Variants in FAM217B observed in about 807,000 individuals in gnomAD.
FAM217B encodes the protein protein FAM217B.
For synonymous variants in FAM217B, 163 were observed against 173.0 expected, an observed-to-expected ratio of 0.94 and a Z score of 0.45; for missense variants, 463 against 456.9, an observed-to-expected ratio of 1.01 and a Z score of -0.12.
upstream of FAM217B, chr20:59,938,850 G>A: frequency 3.9e-6 from 2 of 506,954 alleles, no homozygotes; most frequent in Non-Finnish European, 3.2e-6. Flanking sequence ...TAGACCAAGT[G>A]ACTCAGACGT....
chr20:59,939,959 C>A, upstream of FAM217B: 1 of 1,260,402 alleles, frequency 7.9e-7, no homozygotes, highest in Non-Finnish European at 1.0e-6. Flanking sequence ...GAAGATGAGG[C>A]AGGGATGAGA....
chr20:59,941,915 G>A (rs899065305), intron 1 of FAM217B, among the ~76,000 whole-genome samples: 1 of 151,730 alleles, frequency 6.6e-6, no homozygotes, highest in Admixed American at 6.6e-5. Context: ...TGAACAGGGA[G>A]AGAGAGAGAG....
intron 3 of FAM217B, 99 bp from the exon 4 acceptor site, chr20:59,943,840 CA>C (rs1181459970): frequency 1.4e-4 from 141 of 1,019,076 alleles, no homozygotes; most frequent in South Asian, 1.6e-4. Flanking sequence ...ATAGCTGAGA[CA>C]AAAAAAAGTA....
upstream of FAM217B, chr20:59,940,128 G>A (rs571619099): frequency 1.4e-4 from 60 of 422,752 alleles, no homozygotes; most frequent in Admixed American, 9.8e-4. Context: ...CGCTTCTTGC[G>A]GTTAAAGAAA....
At position 59,943,964 on chromosome 20, in the gene FAM217B, G is replaced by A; in HGVS notation, c.21G>A (p.Trp7Ter). 1.2e-6 allele frequency: 2 copies of A among 1,604,372 alleles called. No individual in the cohort carries two copies. Among genetic ancestry groups the A allele is most frequent in the Non-Finnish European group, 1.7e-6 (2 of 1,176,558 alleles). The change falls in exon 4 of 4, where the codon TGG (tryptophan) becomes TGA (stop). Residue 7 changes from tryptophan to a stop codon, truncating the protein, a stop_gained. Transcript: ENST00000360816. LOFTEE classifies it low-confidence loss of function (END_TRUNC). ...GCAATATGAATGCTGGCCCATCTTG[G>A]AATAAAGTGCAACATTCAAAGAATT... is the stretch of plus-strand genomic sequence containing the variant. MNAGPS[W>*]NKVQHSKNSS...
chr20:59,938,938 G>C, upstream of FAM217B: 4 of 1,270,992 alleles, frequency 3.1e-6, no homozygotes, highest in Non-Finnish European at 4.1e-6. Flanking sequence ...GGAGGGTGGT[G>C]AAGAACAACC....
Position 59,946,169 on chromosome 20 carries a change from A to T in FAM217B, c.*1074A>T, listed in dbSNP as rs768566695. 6.0e-6 allele frequency: 1 copy of T among 167,062 alleles called. No individual in the cohort carries two copies. The highest frequency in any genetic ancestry group is 1.5e-5 in the Non-Finnish European group (1 of 68,122). 10.3% of individuals were successfully genotyped at this position (167,062 alleles called of 1,614,324 possible). On this transcript the variant is annotated 3_prime_UTR_variant, in exon 4 of 4. Coordinates refer to ENST00000360816, the MANE Select transcript of FAM217B (RefSeq NM_022106.3). ...TGAGTAAGGTTGCTGAATGAATTCT[A>T]AACTCGCTTATCTGGTCTTCAGGCT...
At chr20:59,937,214 C>T (rs2060867760), upstream of FAM217B, 1 of 152,648 alleles carries the variant, frequency 6.6e-6, no homozygotes, top group African/African-American at 2.4e-5. Flanking sequence ...TCTAAATTCT[C>T]TGGACAACTG....
rs746834900 is a variant in FAM217B at position 59,944,792 on chromosome 20, G to A, written c.849G>A (p.Arg283=). 2 of 1,614,144 alleles carry A rather than the reference G, an allele frequency of 1.2e-6. No homozygotes were observed. Among genetic ancestry groups the A allele is most frequent in the South Asian group, 1.1e-5 (1 of 91,080 alleles). The part of the protein sequence containing the change: ...VLGGTRFCSQ[R]QTLEMRTEEK... Reference sequence around the variant, plus strand: ...GTGGTACCAGGTTTTGTTCTCAGAGGCAAACCCTTGAAATGAGGACAGAAG... The same window carrying A: ...GTGGTACCAGGTTTTGTTCTCAGAGACAAACCCTTGAAATGAGGACAGAAG... Residue 283 remains arginine (R), a synonymous_variant, in exon 4 of 4, where the codon AGG becomes AGA. Transcript: ENST00000360816.
At position 59,945,275 on chromosome 20, in the gene FAM217B, T is replaced by G; in HGVS notation, c.*180T>G. On this transcript the variant is annotated 3_prime_UTR_variant, in exon 4 of 4. Coordinates refer to ENST00000360816, the MANE Select transcript of FAM217B (RefSeq NM_022106.3). Reference sequence around the variant, plus strand: ...GGGTTATTTTCAAAGGGAAGTGTCTTTCAATAAGCCTTTCTTTGTATTGTC... The same window carrying G: ...GGGTTATTTTCAAAGGGAAGTGTCTGTCAATAAGCCTTTCTTTGTATTGTC... The G allele has an allele frequency of 1.8e-6, 1 of 564,146 alleles. No individual in the cohort carries two copies. The highest frequency in any genetic ancestry group is 3.2e-5 in the East Asian group (1 of 31,406). The allele number at this position is 564,146 out of a possible 1,614,324, so 34.9% of individuals were successfully genotyped here. A position where few individuals can be genotyped will look rare whatever the true frequency, so the allele number is the denominator to read the frequency against.
At position 59,948,304 on chromosome 20, in the gene FAM217B, T is replaced by G. The variant is rs764233434; in HGVS notation, c.*3209T>G. ...ATCATTGGTCTTGCCATATACCTCC[T>G]AGCTAAAAGGAAAATGGTTTGTAGT... On this transcript the variant is annotated 3_prime_UTR_variant, in exon 4 of 4. Transcript: ENST00000360816. 2 of 167,082 alleles carry G rather than the reference T, an allele frequency of 1.2e-5. No homozygotes were observed. The highest frequency in any genetic ancestry group is 2.9e-5 in the Non-Finnish European group (2 of 68,126). The allele number at this position is 167,082 out of a possible 1,614,324, so 10.3% of individuals were successfully genotyped here. A position where few individuals can be genotyped will look rare whatever the true frequency, so the allele number is the denominator to read the frequency against.
Sources: gnomAD v4.1 joint callset for allele counts (sites outside exome capture counted in the v4.1 genomes callset) on GRCh38, gnomAD v4.1.1 for gene constraint, MANE v1.5 for transcripts, NCBI Gene and HGNC (gene_info 2026-07-23, HGNC 2026-07-21) for gene names.